The following HDX variants were observed in gnomAD, a reference collection of about 807,000 sequenced individuals.
HDX encodes highly divergent homeobox.
In HDX, 19 loss-of-function variants were observed where a neutral mutation model predicts 45.2. The ratio of observed to expected loss-of-function variants is 0.42; its 90% CI spans 0.29 to 0.62. The LOEUF is 0.62. Ranked by LOEUF, HDX falls within the 20% of genes least tolerant of loss-of-function variation. The pLI, the probability that HDX is intolerant of heterozygous loss-of-function variation, is 0.20. For synonymous variants in HDX, 188 were observed against 172.8 expected, an observed-to-expected ratio of 1.09 and a Z score of -0.69; for missense variants, 532 against 493.9, an observed-to-expected ratio of 1.08 and a Z score of -0.73.
intron 6 of HDX, among the ~76,000 whole-genome samples, chrX:84,352,457 C>T (rs764898093): frequency 7.2e-5 from 8 of 111,382 alleles, no homozygotes; most frequent in Non-Finnish European, 1.3e-4. Flanking sequence ...AGGAGAATTC[C>T]ATTTATTTTT....
rs576268460 is a variant in HDX at position 84,425,619 on chromosome X, T to C, written c.1305+14913A>G. Among the ~76,000 whole-genome samples, 6 of 111,827 alleles carry C rather than the reference T, an allele frequency of 5.4e-5. No homozygotes were observed. In the South Asian group the frequency reaches 2.2e-3, roughly 41 times the overall value. ...GGTAAATATACAAAATGAAATACTATTCAGTAATGAAAAAAATGAGATTCA... is the reference window on the plus strand; with the variant it reads ...GGTAAATATACAAAATGAAATACTACTCAGTAATGAAAAAAATGAGATTCA... On this transcript the variant is annotated intron_variant, in intron 5 of 10. Transcript: ENST00000373177.
chrX:84,349,611 A>G (rs186099469), intron 6 of HDX, among the ~76,000 whole-genome samples: 2,894 of 81,994 alleles, frequency 0.035, 55 homozygotes, highest in Non-Finnish European at 0.05. Context: ...GTGTGTGTGT[A>G]TATATATATA....
intron 4 of HDX, among the ~76,000 whole-genome samples, chrX:84,459,836 T>C (rs148301530): frequency 0.016 from 1,723 of 110,975 alleles, 42 homozygotes; most frequent in African/African-American, 0.054. Context: ...ATAAACAAAA[T>C]CAGAGGTATA....
rs913560454 is a variant in HDX at position 84,501,576 on chromosome X, C to G, written c.-110+766G>C. The G allele has an allele frequency of 3.6e-5, 4 of 112,354 alleles. No individual in the cohort carries two copies. In the Admixed American group the frequency reaches 3.8e-4, roughly 11 times the overall value. 9.3% of individuals were successfully genotyped at this position (112,354 alleles called of 1,213,427 possible). ...TTTATTTTTCCAAACAGTTTCTTAT[C>G]TGATAAACTTCTATTTCACAAATTC... On this transcript the variant is annotated intron_variant, in intron 1 of 10. Coordinates refer to ENST00000373177, the MANE Select transcript of HDX (RefSeq NM_001177479.2).
At chrX:84,405,690 A>G (rs1479024584) in intron 5 of HDX, among the ~76,000 whole-genome samples, 3 of 97,305 alleles carry the variant, frequency 3.1e-5, no homozygotes, top group South Asian at 4.9e-4. Flanking sequence ...GTGTGTGTAA[A>G]GTATTACGGA....
intron 5 of HDX, among the ~76,000 whole-genome samples, chrX:84,383,752 C>G (rs2038243329): frequency 9.0e-6 from 1 of 111,480 alleles, no homozygotes; most frequent in Admixed American, 9.5e-5. Flanking sequence ...ATGTTTATGT[C>G]CATGCATGCT....
At chrX:84,383,598 C>A (rs1250149119) in intron 5 of HDX, among the ~76,000 whole-genome samples, 1 of 111,467 alleles carries the variant, frequency 9.0e-6, no homozygotes, top group African/African-American at 3.3e-5. Flanking sequence ...TTTCAGCTTT[C>A]ATTTTAGATA....
chrX:84,385,484 A>T (rs2038297033), intron 5 of HDX, among the ~76,000 whole-genome samples: 1 of 110,109 alleles, frequency 9.1e-6, no homozygotes. Context: ...AAGTGCTGGG[A>T]CTACAGGCGT....
chrX:84,439,679 T>C (rs2039719241), intron 5 of HDX, among the ~76,000 whole-genome samples: 1 of 111,401 alleles, frequency 9.0e-6, no homozygotes, highest in Non-Finnish European at 1.9e-5. Flanking sequence ...TTATTATTTC[T>C]GTTGATTTTG....
chrX:84,406,166 A>G (rs2038814718), intron 5 of HDX, among the ~76,000 whole-genome samples: 1 of 110,993 alleles, frequency 9.0e-6, no homozygotes, highest in Non-Finnish European at 1.9e-5. Context: ...AGGCCAGAAT[A>G]TGACACATGA....
At chrX:84,324,497 C>T (rs1243124614) in intron 10 of HDX, among the ~76,000 whole-genome samples, 1 of 111,246 alleles carries the variant, frequency 9.0e-6, no homozygotes, top group African/African-American at 3.3e-5. Flanking sequence ...TTAGTAGTTT[C>T]TATTTGGTGC....
At chrX:84,432,644 G>T (rs905239957) in intron 5 of HDX, among the ~76,000 whole-genome samples, 7 of 110,606 alleles carry the variant, frequency 6.3e-5, no homozygotes, top group Non-Finnish European at 1.3e-4. Context: ...TTTTTGTATA[G>T]AAATGTTATT....
chrX:84,356,604 C>G (rs1261293132), intron 6 of HDX, among the ~76,000 whole-genome samples: 1 of 100,378 alleles, frequency 1.0e-5, no homozygotes, highest in African/African-American at 3.7e-5. Context: ...GCCAGGAATC[C>G]TGTGGATATC....
At chrX:84,454,904 G>C (rs2040079858) in intron 4 of HDX, among the ~76,000 whole-genome samples, 2 of 110,333 alleles carry the variant, frequency 1.8e-5, no homozygotes, top group Non-Finnish European at 1.9e-5. Context: ...AAAAAGTAAG[G>C]GAAGAGAACA....
intron 1 of HDX, among the ~76,000 whole-genome samples, chrX:84,494,981 C>T (rs2040969446): frequency 9.0e-6 from 1 of 111,210 alleles, no homozygotes; most frequent in Admixed American, 9.6e-5. Context: ...GAAAATGTGG[C>T]ATATATACAA....
chrX:84,422,870 G>A (rs571992689), intron 5 of HDX, among the ~76,000 whole-genome samples: 3,251 of 108,272 alleles, frequency 0.03, 53 homozygotes, highest in Non-Finnish European at 0.048. Context: ...GGGTTTCACC[G>A]TGTTAGCCAG....
At chrX:84,451,840 A>G (rs2040005467) in intron 4 of HDX, among the ~76,000 whole-genome samples, 1 of 111,951 alleles carries the variant, frequency 8.9e-6, no homozygotes, top group African/African-American at 3.2e-5. Flanking sequence ...GATCAAGTGG[A>G]ATTCTTCCCA....
chrX:84,376,602 T>A (rs2038062999), intron 5 of HDX, among the ~76,000 whole-genome samples: 1 of 112,042 alleles, frequency 8.9e-6, no homozygotes, highest in South Asian at 3.7e-4. Context: ...AGTCTGGCAG[T>A]ACTTCCATGG....
rs190061254 is a variant in HDX, at chrX:84,356,674, G to C, written c.1452+4792C>G. Among the ~76,000 whole-genome samples, 452 of 90,072 alleles carry C rather than the reference G, an allele frequency of 5.0e-3. 4 individuals are homozygous for C. Among genetic ancestry groups the C allele is most frequent in the African/African-American group, 0.018 (430 of 23,427 alleles). The allele number at this position is 90,072 out of a possible 115,157, so 78.2% of individuals were successfully genotyped here. A position where few individuals can be genotyped will look rare whatever the true frequency, so the allele number is the denominator to read the frequency against. ...GTCTTGCTCTGTCGCCCAGGCTGGA[G>C]TGCAGTGGCGCGATCTCGCCTCACT... is the stretch of plus-strand genomic sequence containing the variant. On this transcript the variant is annotated intron_variant, in intron 6 of 10. Coordinates refer to ENST00000373177, the MANE Select transcript of HDX (RefSeq NM_001177479.2).
Sources: allele counts gnomAD v4.1 joint callset (sites outside exome capture counted in the v4.1 genomes callset), GRCh38; gene constraint gnomAD v4.1.1; transcripts MANE v1.5; gene names NCBI Gene and HGNC (gene_info 2026-07-23, HGNC 2026-07-21).